Variants in TBC1D19 observed in about 807,000 individuals in gnomAD.
TBC1D19 encodes TBC1 domain family member 19, also known as TBC1 domain family, member 19.
In TBC1D19, 60 loss-of-function variants were observed where a neutral mutation model predicts 89.0. That is an observed-to-expected ratio of 0.67 (90% CI 0.55 to 0.84). The LOEUF is 0.84. Ranked by LOEUF, TBC1D19 falls within the 40% of genes least tolerant of loss-of-function variation. The probability of loss-of-function intolerance (pLI) is 0.00; values close to 1 mark genes in which losing one functional copy is unlikely to be tolerated. For synonymous variants in TBC1D19, 189 were observed against 199.7 expected (o/e 0.95, Z 0.45); for missense variants, 500 against 610.8 (o/e 0.82, Z 1.91).
chr4:26,625,234 C>T (rs1255865188), intron 4 of TBC1D19, among the ~76,000 whole-genome samples: 1 of 152,076 alleles, frequency 6.6e-6, no homozygotes, highest in Non-Finnish European at 1.5e-5. Flanking sequence ...ATCAGCATTT[C>T]CCAGAATGTT....
chr4:26,752,385 A>C (rs1180896188), intron 19 of TBC1D19, among the ~76,000 whole-genome samples: 2 of 151,674 alleles, frequency 1.3e-5, no homozygotes, highest in Non-Finnish European at 1.5e-5. Flanking sequence ...CTGGGACTAC[A>C]GGAATGCACC....
chr4:26,694,074 G>T (rs182549662), intron 13 of TBC1D19, among the ~76,000 whole-genome samples: 17 of 152,112 alleles, frequency 1.1e-4, no homozygotes, highest in Non-Finnish European at 7.3e-5. Flanking sequence ...GCAGCCCACC[G>T]AGTGTGAGCC....
the TBC1D19 span, among the ~76,000 whole-genome samples, chr4:26,853,190 A>G: frequency 2.0e-5 from 3 of 152,178 alleles, no homozygotes; most frequent in Non-Finnish European, 4.4e-5. Context: ...TCTCTGTCAG[A>G]TACTCTAGCT....
the TBC1D19 span, among the ~76,000 whole-genome samples, chr4:26,849,945 C>T: frequency 5.3e-5 from 8 of 152,212 alleles, no homozygotes; most frequent in Admixed American, 2.0e-4. Flanking sequence ...TTACTATTGG[C>T]GGTTAAATCA....
chr4:26,722,677 CA>C (rs1024961735), intron 15 of TBC1D19, among the ~76,000 whole-genome samples: 3 of 151,628 alleles, frequency 2.0e-5, no homozygotes, highest in African/African-American at 4.8e-5. Flanking sequence ...CTCAAGACAC[CA>C]AAAAAAATCT....
chr4:26,851,307 A>ATCTATCTATCTATCTATCTGTCTG, the TBC1D19 span, among the ~76,000 whole-genome samples: 7,239 of 45,394 alleles, frequency 0.16, 204 homozygotes, highest in Non-Finnish European at 0.2. Context: ...TAAATACCCT[A>ATCTATCTATCTATCTATCTGTCTG]TCTATCTATC....
chr4:26,822,926 A>C, the TBC1D19 span, among the ~76,000 whole-genome samples: 1 of 152,038 alleles, frequency 6.6e-6, no homozygotes, highest in Non-Finnish European at 1.5e-5. Flanking sequence ...CCTTGGGATC[A>C]CTCTACCCTT....
Position 26,697,577 on chromosome 4 carries a change from C to T in TBC1D19, c.954+9170C>T, listed in dbSNP as rs141925510. On this transcript the variant is annotated intron_variant, in intron 13 of 20. Coordinates refer to ENST00000264866, the MANE Select transcript of TBC1D19 (RefSeq NM_018317.4). ...ACAACAAAAAAAGAGAATTTTGGAC[C>T]AATATCCCTGATCAACATTGATGCA... is the stretch of plus-strand genomic sequence containing the variant. Among the ~76,000 whole-genome samples the T allele has an allele frequency of 5.3e-4, 80 of 152,108 alleles. No homozygotes were observed. In the East Asian group the frequency reaches 0.012, roughly 22 times the overall value.
At chr4:26,707,212 C>T (rs953774801) in intron 13 of TBC1D19, among the ~76,000 whole-genome samples, 1 of 151,978 alleles carries the variant, frequency 6.6e-6, no homozygotes. Flanking sequence ...CATACATTTT[C>T]AAGTCTGTTG....
intron 14 of TBC1D19, 108 bp downstream of exon 14, chr4:26,718,125 T>A: frequency 2.6e-6 from 2 of 777,282 alleles, no homozygotes; most frequent in Non-Finnish European, 4.0e-6. Context: ...ATAAATTACT[T>A]AAGATTTCTC....
intron 7 of TBC1D19, among the ~76,000 whole-genome samples, chr4:26,652,509 G>T (rs1300710369): frequency 2.0e-5 from 3 of 152,162 alleles, no homozygotes; most frequent in African/African-American, 7.2e-5. Context: ...CCTGAGAGCT[G>T]GGATTACAGG....
chr4:26,718,189 T>G (rs1184964175), intron 14 of TBC1D19, among the ~76,000 whole-genome samples, 172 bp downstream of exon 14: 1 of 152,110 alleles, frequency 6.6e-6, no homozygotes, highest in Non-Finnish European at 1.5e-5. Flanking sequence ...AAGTAATTTA[T>G]CACAAATCAC....
chr4:26,576,721 A>G (rs1230622451), exon 1 of TBC1D19: 1 of 456,150 alleles, frequency 2.2e-6, no homozygotes, highest in East Asian at 6.9e-5. Context: ...ACAGCAGGGC[A>G]GAGAGCCACA....
chr4:26,804,019 C>T, the TBC1D19 span, among the ~76,000 whole-genome samples: 1 of 150,454 alleles, frequency 6.6e-6, no homozygotes, highest in Admixed American at 6.6e-5. Context: ...CTCACTCAGA[C>T]AATTTGTCTC....
At chr4:26,731,927 A>T (rs1174058210) in intron 15 of TBC1D19, among the ~76,000 whole-genome samples, 4 of 152,056 alleles carry the variant, frequency 2.6e-5, no homozygotes, top group South Asian at 2.1e-4. Flanking sequence ...AATACAGTTT[A>T]AAAAAAATTA....
At chr4:26,789,605 G>A in the TBC1D19 span, among the ~76,000 whole-genome samples, 1 of 152,202 alleles carries the variant, frequency 6.6e-6, no homozygotes, top group Non-Finnish European at 1.5e-5. Flanking sequence ...CACTGTTGAT[G>A]AGAATGTAAA....
intron 13 of TBC1D19, among the ~76,000 whole-genome samples, chr4:26,705,377 T>C (rs777943496): frequency 7.2e-5 from 11 of 152,222 alleles, no homozygotes; most frequent in Admixed American, 2.6e-4. Flanking sequence ...GTGAAGATTT[T>C]GCACTATGTT....
intron 18 of TBC1D19, among the ~76,000 whole-genome samples, chr4:26,745,251 A>G (rs918431217): frequency 6.6e-6 from 1 of 151,846 alleles, no homozygotes; most frequent in Non-Finnish European, 1.5e-5. Context: ...GGGTCTTCCT[A>G]TGTGGCAGTC....
the TBC1D19 span, among the ~76,000 whole-genome samples, chr4:26,845,987 A>G: frequency 9.9e-5 from 15 of 152,208 alleles, no homozygotes; most frequent in South Asian, 2.1e-4. Flanking sequence ...TATCACTCCT[A>G]TAAGTGGAAT....
Sources: gnomAD v4.1 joint callset for allele counts (sites outside exome capture counted in the v4.1 genomes callset) on GRCh38, gnomAD v4.1.1 for gene constraint, MANE v1.5 for transcripts, NCBI Gene and HGNC (gene_info 2026-07-23, HGNC 2026-07-21) for gene names.